TBC1D8: variants seen among roughly 807,000 people sequenced by gnomAD.
TBC1D8 encodes the protein TBC1 domain family member 8.
TBC1D8 carries 65 observed loss-of-function variants against 118.8 expected under a neutral mutation model. That is an observed-to-expected ratio of 0.55 (90% CI 0.45 to 0.67). The LOEUF (loss-of-function observed/expected upper bound fraction) is 0.67. Among genes scored for constraint, TBC1D8 ranks in the 30% least tolerant of loss-of-function variants. TBC1D8 has a pLI of 0.00. For missense variants in TBC1D8, 1,376 were observed against 1,471.2 expected, an observed-to-expected ratio of 0.94 and a Z score of 1.06; for synonymous variants, 566 against 595.8, an observed-to-expected ratio of 0.95 and a Z score of 0.73.
chr2:101,087,906 A>G (rs1028541771), intron 2 of TBC1D8, among the ~76,000 whole-genome samples: 2 of 152,218 alleles, frequency 1.3e-5, no homozygotes, highest in African/African-American at 4.8e-5. Context: ...TTCAAAAGCC[A>G]CAATTCTAAC....
chr2:101,012,635 A>C (rs949059499), intron 17 of TBC1D8, among the ~76,000 whole-genome samples: 1 of 152,204 alleles, frequency 6.6e-6, no homozygotes, highest in Non-Finnish European at 1.5e-5. Context: ...CAAAAAAAAA[A>C]AAACCCATTG....
chr2:101,110,798 C>T (rs1189004747), intron 1 of TBC1D8, among the ~76,000 whole-genome samples: 1 of 151,860 alleles, frequency 6.6e-6, no homozygotes, highest in Non-Finnish European at 1.5e-5. Flanking sequence ...TGGTGAAACC[C>T]CATCTCTACA....
chr2:101,134,191 TCTCTCTCACACACACACACA>T (rs1271458758), intron 1 of TBC1D8, among the ~76,000 whole-genome samples: 1 of 96,116 alleles, frequency 1.0e-5, no homozygotes, highest in African/African-American at 4.6e-5. Flanking sequence ...TCTCTCTCTC[TCTCTCTCACACACACACACA>T]CACACACACA....
At chr2:101,080,611 T>C (rs978404096) in intron 2 of TBC1D8, among the ~76,000 whole-genome samples, 4 of 152,172 alleles carry the variant, frequency 2.6e-5, no homozygotes, top group African/African-American at 9.7e-5. Flanking sequence ...ACACCCGCAG[T>C]GTTACCGATG....
Position 101,033,657 on chromosome 2 carries a change from G to A in TBC1D8, c.1705C>T (p.Leu569=), listed in dbSNP as rs541661749. The A allele has an allele frequency of 6.8e-6, 11 of 1,613,938 alleles. No individual in the cohort carries two copies. The highest frequency in any genetic ancestry group is 5.3e-5 in the African/African-American group (4 of 75,020). The part of the protein sequence containing the change: ...CLVTEEIERD[L]HRSLPEHPAF... ...GGGTGCTCTGGCAGGGAGCGGTGCA[G>A]GTCTCGTTCTATCTCCTCGGTTACC... Residue 569 remains leucine (L), a synonymous_variant, in exon 10 of 20, where the codon CTG becomes TTG. Coordinates refer to ENST00000409318, the MANE Select transcript of TBC1D8 (RefSeq NM_001330348.2).
At position 101,033,720 on chromosome 2, in the gene TBC1D8, C is replaced by G; in HGVS notation, c.1642G>C (p.Gly548Arg). 1 of 1,613,826 alleles carries G rather than the reference C, an allele frequency of 6.2e-7. No homozygotes were observed. Among genetic ancestry groups the G allele is most frequent in the Non-Finnish European group, 8.5e-7 (1 of 1,179,832 alleles). ...CCCAGGGACTCCTCCACCAGATTCC[C>G]GTAGTAACCAGGGTGTGAGGCAAGA... The part of the protein sequence containing the change: ...TDLASHPGYY[G>R]NLVEESLGKC... The change falls in exon 10 of 20, where the codon GGG (glycine) becomes CGG (arginine). Residue 548 changes from glycine (G) to arginine (R), a missense_variant. Physicochemically the swap from Gly to Arg is moderately radical, Grantham distance 125. Transcript: ENST00000409318.
At chr2:101,131,536 C>A (rs892648019) in intron 1 of TBC1D8, among the ~76,000 whole-genome samples, 1 of 151,858 alleles carries the variant, frequency 6.6e-6, no homozygotes, top group Non-Finnish European at 1.5e-5. Flanking sequence ...AGGTTCTGGC[C>A]GGGTACAGTG....
At chr2:101,121,139 A>C (rs1678080936) in intron 1 of TBC1D8, among the ~76,000 whole-genome samples, 1 of 152,252 alleles carries the variant, frequency 6.6e-6, no homozygotes, top group South Asian at 2.1e-4. Flanking sequence ...CATATCACTA[A>C]GGCGCTCTTT....
Position 101,029,643 on chromosome 2 carries a change from G to A in TBC1D8, c.2070C>T (p.Ile690=). The stretch of plus-strand genomic sequence containing the variant: ...CATTCACCGCACTCTCTAGAGGCAT[G>A]ATGCTGAGGAACAGGGTCAGGAACC... ...LSWFLTLFLS[I]MPLESAVNVV... is the part of the protein sequence containing the mutation. The change falls in exon 12 of 20, where the codon ATC becomes ATT. Residue 690 remains isoleucine (I), a synonymous_variant. Transcript: ENST00000409318. 1 of 1,614,052 alleles carries A rather than the reference G, an allele frequency of 6.2e-7. No homozygotes were observed. Among genetic ancestry groups the A allele is most frequent in the Non-Finnish European group, 8.5e-7 (1 of 1,179,910 alleles).
At chr2:101,031,408 A>G (rs1216643200) in intron 11 of TBC1D8, among the ~76,000 whole-genome samples, 2 of 152,174 alleles carry the variant, frequency 1.3e-5, no homozygotes, top group African/African-American at 4.8e-5. Context: ...CTTAGGACAC[A>G]GTCTTCAAGG....
At chr2:101,029,281 C>T (rs1158607125) in intron 12 of TBC1D8, among the ~76,000 whole-genome samples, 2 of 151,746 alleles carry the variant, frequency 1.3e-5, no homozygotes, top group Non-Finnish European at 2.9e-5. Flanking sequence ...CCCAGCTACT[C>T]GGGAGACTGA....
At position 101,037,522 on chromosome 2, in the gene TBC1D8, C is replaced by T. The variant is rs377270442; in HGVS notation, c.1452+10G>A. 5.0e-6 allele frequency: 8 copies of T among 1,610,524 alleles called. No individual in the cohort carries two copies. Among genetic ancestry groups the T allele is most frequent in the Middle Eastern group, 2.2e-4 (1 of 4,648 alleles). On this transcript the variant is annotated intron_variant, in intron 8 of 19. Transcript: ENST00000409318. The stretch of plus-strand genomic sequence containing the variant: ...TTTGTGGTCCAGCTTGGGCACCAGG[C>T]GTCACCCACCATTCGGGAGTCAGGG...
At chr2:101,128,396 GGGCCA>G (rs1266959091) in intron 1 of TBC1D8, among the ~76,000 whole-genome samples, 3 of 152,200 alleles carry the variant, frequency 2.0e-5, no homozygotes, top group African/African-American at 7.2e-5. Flanking sequence ...GAGGGTCTCA[GGGCCA>G]GGCTTAGGGT....
chr2:101,017,285 G>A (rs1679724245), intron 17 of TBC1D8, among the ~76,000 whole-genome samples: 1 of 152,006 alleles, frequency 6.6e-6, no homozygotes. Flanking sequence ...TTTTTAATAA[G>A]TAGAAGGAAT....
intron 1 of TBC1D8, among the ~76,000 whole-genome samples, chr2:101,142,637 G>T (rs1181342947): frequency 1.3e-5 from 2 of 152,186 alleles, no homozygotes; most frequent in Non-Finnish European, 2.9e-5. Context: ...AATGCAGGGG[G>T]TGGGGTGATC....
At chr2:101,076,997 G>A (rs1428344730) in intron 2 of TBC1D8, among the ~76,000 whole-genome samples, 1 of 152,112 alleles carries the variant, frequency 6.6e-6, no homozygotes, top group Non-Finnish European at 1.5e-5. Flanking sequence ...GAGCAAGAGA[G>A]AGGCGGTAGT....
At chr2:101,050,330 T>C (rs559511142) in intron 5 of TBC1D8, 71 bp downstream of exon 5, 138 of 1,542,500 alleles carry the variant, frequency 8.9e-5, no homozygotes, top group Non-Finnish European at 1.1e-4. Context: ...AAAGCACTTG[T>C]ACATAAGGGA....
intron 7 of TBC1D8, 26 bp from the exon 8 acceptor site, chr2:101,037,734 G>A (rs1255626579): frequency 6.4e-7 from 1 of 1,566,140 alleles, no homozygotes; most frequent in Non-Finnish European, 8.7e-7. Context: ...GACAGAGACA[G>A]AGAGAGAGAG....
intron 1 of TBC1D8, among the ~76,000 whole-genome samples, chr2:101,128,739 A>G (rs1678459326): frequency 2.0e-5 from 3 of 152,272 alleles, no homozygotes; most frequent in Admixed American, 2.0e-4. Context: ...TGGCATATAC[A>G]TACAATAGAA....
Sources: gnomAD v4.1 joint callset for allele counts (sites outside exome capture counted in the v4.1 genomes callset) on GRCh38, gnomAD v4.1.1 for gene constraint, MANE v1.5 for transcripts, NCBI Gene and HGNC (gene_info 2026-07-23, HGNC 2026-07-21) for gene names.